The following MRNIP variants were observed in gnomAD, a reference collection of about 807,000 sequenced individuals.
The protein encoded by MRNIP is MRN complex interacting protein.
In MRNIP, 30 loss-of-function variants were observed where a neutral mutation model predicts 29.8. That is an observed-to-expected ratio of 1.01 (90% CI 0.75 to 1.36). The LOEUF (loss-of-function observed/expected upper bound fraction) is 1.36, where lower values mean the gene tolerates loss of function less well. MRNIP is among the 40% of genes most tolerant of loss of function. MRNIP has a pLI of 0.00. For missense variants in MRNIP, 459 were observed against 423.5 expected (o/e 1.08, Z -0.74); for synonymous variants, 201 against 164.1 (o/e 1.23, Z -1.72).
rs1212324197 is a variant in MRNIP at position 179,837,903 on chromosome 5, C to G, written c.538-18G>C. 1 of 1,594,978 alleles carries G rather than the reference C, an allele frequency of 6.3e-7. No individual in the cohort carries two copies. The highest frequency in any genetic ancestry group is 8.5e-7 in the Non-Finnish European group (1 of 1,175,778). ...GCCTGTCCCTGAAAGAGAAGATGGC[C>G]ATGCCCTCCATGTGTAAGAACAATG... is the stretch of plus-strand genomic sequence containing the variant. On this transcript the variant is annotated intron_variant, in intron 6 of 6. Transcript: ENST00000292586.
rs747245874 is a variant in MRNIP at position 179,858,737 on chromosome 5, C to A, written c.60G>T (p.Ala20=). ...LRCCSCRLFQ[A]HQVKKSVKWT... is the part of the protein sequence containing the mutation. ...GGGCTGGCACCCGCCAGACCTGGTGCGCCTGGAAGAGGCGGCAGCTGCAGC... is the reference window on the plus strand; with the variant it reads ...GGGCTGGCACCCGCCAGACCTGGTGAGCCTGGAAGAGGCGGCAGCTGCAGC... Residue 20 remains alanine, a synonymous_variant, in exon 1 of 7, where the codon GCG becomes GCT. Coordinates refer to ENST00000292586, the MANE Select transcript of MRNIP (RefSeq NM_016175.4). The A allele has an allele frequency of 2.0e-6, 3 of 1,522,142 alleles. No homozygotes were observed. The South Asian group carries it at 3.7e-5, about 19-fold the overall frequency. The allele number at this position is 1,522,142 out of a possible 1,614,324, so 94.3% of individuals were successfully genotyped here. A position where few individuals can be genotyped will look rare whatever the true frequency, so the allele number is the denominator to read the frequency against.
At chr5:179,839,680 C>G (rs552405215) in intron 6 of MRNIP, 1 of 152,568 alleles carries the variant, frequency 6.6e-6, no homozygotes, top group Admixed American at 6.5e-5. Flanking sequence ...CAGCGGAGAC[C>G]GACCTTGGCT....
At chr5:179,851,475 G>C (rs1429693302) in intron 2 of MRNIP, 4 of 449,088 alleles carry the variant, frequency 8.9e-6, no homozygotes, top group African/African-American at 8.0e-5. Context: ...TAAAGATATA[G>C]GGAGAAGCTG....
chr5:179,849,190 G>A (rs1759252338), intron 2 of MRNIP, among the ~76,000 whole-genome samples: 1 of 148,924 alleles, frequency 6.7e-6, no homozygotes, highest in East Asian at 2.0e-4. Flanking sequence ...GGCACAGGCA[G>A]ATGGTACGAG....
At chr5:179,851,716 C>A (rs1349063283) in intron 2 of MRNIP, among the ~76,000 whole-genome samples, 1 of 152,028 alleles carries the variant, frequency 6.6e-6, no homozygotes, top group South Asian at 2.1e-4. Flanking sequence ...CGGTGGCTCA[C>A]GCCTGTAACC....
intron 1 of MRNIP, among the ~76,000 whole-genome samples, 177 bp downstream of exon 1, chr5:179,858,554 C>T (rs1759700922): frequency 6.6e-6 from 1 of 152,246 alleles, no homozygotes; most frequent in Admixed American, 6.5e-5. Flanking sequence ...AAGAACCAAA[C>T]AAAAAGCTCA....
chr5:179,839,123 T>C (rs865963562), intron 6 of MRNIP: 2 of 150,552 alleles, frequency 1.3e-5, no homozygotes, highest in South Asian at 2.1e-4. Context: ...TGGTGGCGGG[T>C]GCCTGTAATC....
chr5:179,846,038 C>G (rs1386865651), intron 3 of MRNIP: 1 of 152,174 alleles, frequency 6.6e-6, no homozygotes, highest in African/African-American at 2.4e-5. Context: ...TAGCTGCACT[C>G]CCCTGCTAGA....
chr5:179,840,539 G>A (rs1437456882), intron 6 of MRNIP: 1 of 468,770 alleles, frequency 2.1e-6, no homozygotes, highest in Non-Finnish European at 3.8e-6. Context: ...GACGACTCCT[G>A]CCCGGACAAA....
rs975627865 is a variant in MRNIP, at chr5:179,840,880, G to T, written c.529C>A (p.Pro177Thr). 2.5e-6 allele frequency: 4 copies of T among 1,609,378 alleles called. No individual in the cohort carries two copies. In the African/African-American group the frequency reaches 5.3e-5, roughly 21 times the overall value. ...DSGGSEVAWG[P>T]QKGQAGLTWK... The stretch of plus-strand genomic sequence containing the variant: ...AACTGTTTGTCACTGACCTTCTGGG[G>T]TCCCCAGGCGACCTCAGAGCCACCC... The change falls in exon 6 of 7, where the codon CCC becomes ACC. Residue 177 changes from proline (P) to threonine (T), a missense_variant. Transcript: ENST00000292586.
chr5:179,851,521 G>C, intron 2 of MRNIP: 1 of 440,208 alleles, frequency 2.3e-6, no homozygotes. Flanking sequence ...CTGGCTTGTT[G>C]GCAGCTTTTC....
At chr5:179,844,647 A>C (rs972737770) in intron 3 of MRNIP, among the ~76,000 whole-genome samples, 1 of 152,062 alleles carries the variant, frequency 6.6e-6, no homozygotes, top group Non-Finnish European at 1.5e-5. Context: ...GCTAGTCTCA[A>C]ATTCCTGGGC....
chr5:179,858,677 C>T (rs1489720249), intron 1 of MRNIP, 54 bp downstream of exon 1: 2 of 1,215,910 alleles, frequency 1.6e-6, no homozygotes, highest in African/African-American at 3.0e-5. Context: ...CCCGCCACTC[C>T]CCGTCCGCTG....
At chr5:179,850,820 G>A (rs1759336488) in intron 2 of MRNIP, among the ~76,000 whole-genome samples, 1 of 152,202 alleles carries the variant, frequency 6.6e-6, no homozygotes, top group Non-Finnish European at 1.5e-5. Context: ...CACGAAACCA[G>A]CCTCTTTCCA....
intron 1 of MRNIP, among the ~76,000 whole-genome samples, chr5:179,857,817 G>C (rs6897677): frequency 2.0e-5 from 3 of 151,446 alleles, no homozygotes; most frequent in African/African-American, 7.3e-5. Flanking sequence ...GTTCGAGACC[G>C]GCCTGACCAA....
chr5:179,858,654 C>T lies in MRNIP; in HGVS notation c.66+77G>A, dbSNP rs1196981597. On this transcript the variant is annotated intron_variant, in intron 1 of 6. Transcript: ENST00000292586. ...CGGTGCATCCCGGAGCCATTCGAGA[C>T]AACACCCACAGCCCCGCCACTCCCC... 4.1e-6 allele frequency: 4 copies of T among 981,678 alleles called. No individual in the cohort carries two copies. In the East Asian group the frequency reaches 1.1e-4, roughly 27 times the overall value. The allele number at this position is 981,678 out of a possible 1,614,324, so 60.8% of individuals were successfully genotyped here.
At chr5:179,848,173 C>A in intron 2 of MRNIP, 107 bp from the exon 3 acceptor site, 1 of 804,340 alleles carries the variant, frequency 1.2e-6, no homozygotes. Flanking sequence ...TTCTGCAAGG[C>A]CCAAAGACCC....
chr5:179,841,999 C>T lies in MRNIP; in HGVS notation c.357G>A (p.Glu119=). 1 of 1,614,168 alleles carries T rather than the reference C, an allele frequency of 6.2e-7. No individual in the cohort carries two copies. Among genetic ancestry groups the T allele is most frequent in the Non-Finnish European group, 8.5e-7 (1 of 1,180,008 alleles). Reference sequence around the variant, plus strand: ...TGAAACACACTCCTGTTCCTTCCAGCTCCAGTTCTTGGGAGTCCTTTTCTA... The same window carrying T: ...TGAAACACACTCCTGTTCCTTCCAGTTCCAGTTCTTGGGAGTCCTTTTCTA... ...KYLEKDSQEL[E]LEGTGVCFSK... Residue 119 remains glutamate (E), a synonymous_variant, in exon 5 of 7, where the codon GAG becomes GAA. Coordinates refer to ENST00000292586, the MANE Select transcript of MRNIP (RefSeq NM_016175.4).
At chr5:179,852,966 CCT>C (rs1359654841) in intron 2 of MRNIP, among the ~76,000 whole-genome samples, 2 of 152,214 alleles carry the variant, frequency 1.3e-5, no homozygotes, top group Non-Finnish European at 1.5e-5. Flanking sequence ...CCCCGGCTGC[CCT>C]GATTCCTCTG....
Sources: gnomAD v4.1 joint callset for allele counts (sites outside exome capture counted in the v4.1 genomes callset) on GRCh38, gnomAD v4.1.1 for gene constraint, MANE v1.5 for transcripts, NCBI Gene and HGNC (gene_info 2026-07-23, HGNC 2026-07-21) for gene names.